Variants in UBOX5 observed in about 807,000 individuals in gnomAD.
UBOX5 encodes the protein RING finger protein 37.
UBOX5 carries 28 observed loss-of-function variants against 39.0 expected under a neutral mutation model. The ratio of observed to expected loss-of-function variants is 0.72; its 90% CI spans 0.53 to 0.98. The LOEUF is 0.98. Among genes scored for constraint, UBOX5 ranks in the 50% least tolerant of loss-of-function variants. The pLI, the probability that UBOX5 is intolerant of heterozygous loss-of-function variation, is 0.00. For missense variants in UBOX5, 585 were observed against 674.4 expected, an observed-to-expected ratio of 0.87 and a Z score of 1.47; for synonymous variants, 283 against 275.5, an observed-to-expected ratio of 1.03 and a Z score of -0.27.
In UBOX5 at chr20:3,149,075, G is replaced by A; in HGVS notation, c.-42+10691C>T. Reference sequence around the variant, plus strand: ...TGACTTGAGAGTAGCTGCCATTCTGGTGTCAGTATTGATCTCTTTGGCAGT... The same window carrying A: ...TGACTTGAGAGTAGCTGCCATTCTGATGTCAGTATTGATCTCTTTGGCAGT... On this transcript the variant is annotated intron_variant, in intron 1 of 4. Coordinates refer to ENST00000217173, the MANE Select transcript of UBOX5 (RefSeq NM_014948.4). The surrounding 1 kb of genome is among the most constrained non-coding windows in gnomAD (Gnocchi z 4.1). The A allele has an allele frequency of 1.9e-6, 3 of 1,604,670 alleles. No individual in the cohort carries two copies. Among genetic ancestry groups the A allele is most frequent in the Non-Finnish European group, 2.6e-6 (3 of 1,175,082 alleles).
At chr20:3,133,766 A>G (rs1600389685) in intron 1 of UBOX5, among the ~76,000 whole-genome samples, 3 of 138,560 alleles carry the variant, frequency 2.2e-5, no homozygotes, top group South Asian at 2.3e-4. Context: ...TGGGGGGGGG[A>G]AACAGGCTCT....
Position 3,122,390 on chromosome 20 carries a change from C to T in UBOX5, c.249G>A (p.Met83Ile). 2 of 1,614,186 alleles carry T rather than the reference C, an allele frequency of 1.2e-6. No homozygotes were observed. Residue 83 changes from methionine (M) to isoleucine (I), a missense_variant, in exon 3 of 5, where the codon ATG becomes ATA. Coordinates refer to ENST00000217173, the MANE Select transcript of UBOX5 (RefSeq NM_014948.4). The part of the protein sequence containing the change: ...GGGQNVTGLE[M>I]YTSASSSRVS... ...CTCTGCTAGATGAGGCAGATGTGTA[C>T]ATTTCCAGGCCAGTGACGTTCTGAC...
chr20:3,116,916 C>T (rs2422847), intron 3 of UBOX5, among the ~76,000 whole-genome samples: 40,865 of 151,650 alleles, frequency 0.27, 6,698 homozygotes, highest in Non-Finnish European at 0.36. Flanking sequence ...GTCAACATGG[C>T]GAAATCCTGT....
intron 1 of UBOX5, chr20:3,151,861 T>C (rs1282307917): frequency 1.3e-5 from 2 of 151,406 alleles, no homozygotes; most frequent in East Asian, 2.0e-4. Context: ...TTCCAGCACT[T>C]TGAGAGGCCA....
At position 3,121,557 on chromosome 20, in the gene UBOX5, G is replaced by C. The variant is rs771115445; in HGVS notation, c.1082C>G (p.Ser361Cys). The C allele has an allele frequency of 6.2e-7, 1 of 1,609,628 alleles. No homozygotes were observed. Among genetic ancestry groups the C allele is most frequent in the South Asian group, 1.1e-5 (1 of 90,578 alleles). ...AVIPSSIVLPSQKRKIEQAEH... is the reference protein window; with the variant it reads ...AVIPSSIVLPCQKRKIEQAEH... ...AGCCTGCTCTATCTTCCTTTTCTGA[G>C]AGGGCAGAACAATGGAAGAAGGGAT... The change falls in exon 3 of 5, where the codon TCT becomes TGT. Residue 361 changes from serine (S) to cysteine (C), a missense_variant. By Grantham distance (112) the Ser-to-Cys change is moderately radical. Transcript: ENST00000217173.
chr20:3,133,760 G>A (rs535141546), intron 1 of UBOX5, among the ~76,000 whole-genome samples: 2 of 150,566 alleles, frequency 1.3e-5, no homozygotes, highest in African/African-American at 2.4e-5. Context: ...TTTTTTTGGG[G>A]GGGGGAAACA....
At chr20:3,116,806 G>C (rs937445699) in intron 3 of UBOX5, 1 of 152,170 alleles carries the variant, frequency 6.6e-6, no homozygotes, top group African/African-American at 2.4e-5. Context: ...AAAAAGAAAA[G>C]GTTGCCAGGC....
chr20:3,133,156 G>A (rs2066442928), intron 1 of UBOX5, among the ~76,000 whole-genome samples: 1 of 152,260 alleles, frequency 6.6e-6, no homozygotes, highest in Non-Finnish European at 1.5e-5. Flanking sequence ...TGTCCAAACA[G>A]TAGGATTCCG....
At chr20:3,118,114 C>G (rs1013159687) in intron 3 of UBOX5, among the ~76,000 whole-genome samples, 1 of 151,498 alleles carries the variant, frequency 6.6e-6, no homozygotes, top group Non-Finnish European at 1.5e-5. Context: ...GCAGAGATTG[C>G]GTCACTGCTG....
At chr20:3,129,318 C>T (rs974154391) in intron 1 of UBOX5, among the ~76,000 whole-genome samples, 2 of 152,220 alleles carry the variant, frequency 1.3e-5, no homozygotes, top group African/African-American at 2.4e-5. Flanking sequence ...TCCCACACCA[C>T]TATCTGACAG....
At chr20:3,133,762 G>GC (rs1431866588) in intron 1 of UBOX5, among the ~76,000 whole-genome samples, 10 of 150,580 alleles carry the variant, frequency 6.6e-5, no homozygotes, top group African/African-American at 9.8e-5. Context: ...TTTTTGGGGG[G>GC]GGGAAACAGG....
intron 3 of UBOX5, among the ~76,000 whole-genome samples, chr20:3,121,081 AGG>A (rs1568470332): frequency 1.3e-5 from 2 of 152,168 alleles, no homozygotes; most frequent in Non-Finnish European, 2.9e-5. Flanking sequence ...GGGCACATAA[AGG>A]GACCCCAAGG....
At chr20:3,148,448 T>A (rs371675372) in intron 1 of UBOX5, 1 of 1,614,164 alleles carries the variant, frequency 6.2e-7, no homozygotes, top group Non-Finnish European at 8.5e-7. Context: ...TTTCAAAACA[T>A]TGATCAGATC....
chr20:3,147,794 C>T lies in UBOX5; in HGVS notation c.-42+11972G>A, dbSNP rs780923980. 9 of 1,614,056 alleles carry T rather than the reference C, an allele frequency of 5.6e-6. No individual in the cohort carries two copies. The highest frequency in any genetic ancestry group is 2.2e-5 in the East Asian group (1 of 44,892). On this transcript the variant is annotated intron_variant, in intron 1 of 4. Transcript: ENST00000217173. ...CAGAATCTTGGCAACATCTTTACTTCGACAGTGTGCCACTCTAGGAGGCAA... is the reference window on the plus strand; with the variant it reads ...CAGAATCTTGGCAACATCTTTACTTTGACAGTGTGCCACTCTAGGAGGCAA...
chr20:3,133,869 C>T (rs2066448946), intron 1 of UBOX5, among the ~76,000 whole-genome samples: 1 of 152,008 alleles, frequency 6.6e-6, no homozygotes, highest in East Asian at 1.9e-4. Context: ...TCTCCTACCT[C>T]TGCCTCCCGA....
Position 3,147,991 on chromosome 20 carries a change from A to T in UBOX5, c.-42+11775T>A, listed in dbSNP as rs1194454018. 1.9e-6 allele frequency: 3 copies of T among 1,614,090 alleles called. No homozygotes were observed. The Admixed American group carries it at 5.0e-5, about 27-fold the overall frequency. ...CCACGTGAGTGAAACGGAACATTTTAACAATATTCACTAAGGAGCGACTAC... is the reference window on the plus strand; with the variant it reads ...CCACGTGAGTGAAACGGAACATTTTTACAATATTCACTAAGGAGCGACTAC... On this transcript the variant is annotated intron_variant, in intron 1 of 4. Transcript: ENST00000217173.
intron 1 of UBOX5, among the ~76,000 whole-genome samples, chr20:3,139,425 T>C (rs971968828): frequency 1.3e-5 from 2 of 152,156 alleles, no homozygotes; most frequent in African/African-American, 4.8e-5. Context: ...GTTTTGCTCT[T>C]GTTGCCCAGG....
chr20:3,136,382 C>A (rs1310007396), intron 1 of UBOX5, among the ~76,000 whole-genome samples: 1 of 151,850 alleles, frequency 6.6e-6, no homozygotes, highest in South Asian at 2.1e-4. Context: ...GAGACAGAGT[C>A]TCTCTCTGTC....
chr20:3,127,241 T>C (rs2066397749), intron 1 of UBOX5, among the ~76,000 whole-genome samples: 3 of 152,026 alleles, frequency 2.0e-5, no homozygotes, highest in Non-Finnish European at 4.4e-5. Flanking sequence ...GTCGTGGCCA[T>C]GTAAAATTGT....
Sources: gnomAD v4.1 joint callset for allele counts (sites outside exome capture counted in the v4.1 genomes callset) on GRCh38, gnomAD v4.1.1 for gene constraint, Gnocchi (gnomAD v3.1) non-coding constraint, MANE v1.5 for transcripts, NCBI Gene and HGNC (gene_info 2026-07-23, HGNC 2026-07-21) for gene names.